The following RAD51B variants were observed in gnomAD, a reference collection of about 807,000 sequenced individuals.
The protein encoded by RAD51B is DNA repair protein RAD51 homolog 2.
Under a neutral mutation model 42.2 loss-of-function variants are expected in RAD51B, and 38 were observed. That is an observed-to-expected ratio of 0.90 (90% CI 0.70 to 1.18). RAD51B has a LOEUF of 1.18. Ranked by LOEUF, RAD51B falls within the 50% of genes most tolerant of loss-of-function variation. The probability of loss-of-function intolerance (pLI) is 0.00; values close to 1 mark genes in which losing one functional copy is unlikely to be tolerated. For missense variants in RAD51B, 373 were observed against 400.7 expected, an observed-to-expected ratio of 0.93 and a Z score of 0.59; for synonymous variants, 154 against 145.2, an observed-to-expected ratio of 1.06 and a Z score of -0.43.
At chr14:68,410,284 A>T (rs1247236165) in intron 8 of RAD51B, among the ~76,000 whole-genome samples, 4 of 151,980 alleles carry the variant, frequency 2.6e-5, no homozygotes, top group African/African-American at 9.7e-5. Context: ...TTAGTAGACC[A>T]CCCTGAAAGG....
intron 7 of RAD51B, among the ~76,000 whole-genome samples, chr14:68,218,454 G>C (rs550003314): frequency 6.6e-6 from 1 of 152,282 alleles, no homozygotes; most frequent in South Asian, 2.1e-4. Context: ...TAGTATTTTT[G>C]ATACTCTGAG....
chr14:68,476,667 A>G (rs1356308089), intron 10 of RAD51B, among the ~76,000 whole-genome samples: 2 of 151,884 alleles, frequency 1.3e-5, no homozygotes, highest in Non-Finnish European at 2.9e-5. Flanking sequence ...GCTCACACAG[A>G]GTCAGAACAC....
At chr14:68,614,646 G>A, downstream of RAD51B, among the ~76,000 whole-genome samples, 1 of 152,210 alleles carries the variant, frequency 6.6e-6, no homozygotes, top group East Asian at 1.9e-4. Flanking sequence ...CTTTCAGTGA[G>A]CATAGTGTTT....
chr14:68,333,129 T>C (rs1156430814), intron 8 of RAD51B, among the ~76,000 whole-genome samples: 1 of 152,162 alleles, frequency 6.6e-6, no homozygotes, highest in Non-Finnish European at 1.5e-5. Context: ...ACAGAGCCAC[T>C]CAGCAGAGTG....
At chr14:68,371,815 C>T (rs113324875) in intron 8 of RAD51B, among the ~76,000 whole-genome samples, 2 of 152,338 alleles carry the variant, frequency 1.3e-5, no homozygotes, top group African/African-American at 2.4e-5. Context: ...TGTGCCACTG[C>T]ACTCCAACCT....
At chr14:68,527,095 G>T (rs951723282) in intron 10 of RAD51B, among the ~76,000 whole-genome samples, 1 of 152,172 alleles carries the variant, frequency 6.6e-6, no homozygotes, top group Non-Finnish European at 1.5e-5. Flanking sequence ...TCCGCACAAA[G>T]TTTCAATTAT....
intron 5 of RAD51B, among the ~76,000 whole-genome samples, chr14:67,877,837 A>AG (rs2042776703): frequency 6.6e-6 from 1 of 152,046 alleles, no homozygotes; most frequent in Non-Finnish European, 1.5e-5. Context: ...TAATTAAAAA[A>AG]ATTTTTTTGT....
At chr14:68,669,352 T>C (rs542953879) in intron 11 of RAD51B, among the ~76,000 whole-genome samples, 1 of 152,328 alleles carries the variant, frequency 6.6e-6, no homozygotes, top group East Asian at 1.9e-4. Flanking sequence ...CTGCCTCCCC[T>C]GCTTCCCTCT....
chr14:67,897,335 C>T (rs1372962553), intron 7 of RAD51B, among the ~76,000 whole-genome samples: 1 of 151,914 alleles, frequency 6.6e-6, no homozygotes, highest in African/African-American at 2.4e-5. Context: ...TATTTGGAAA[C>T]CACAAATCTG....
chr14:68,388,052 C>A (rs1420218694), intron 8 of RAD51B, among the ~76,000 whole-genome samples: 2 of 127,194 alleles, frequency 1.6e-5, no homozygotes, highest in African/African-American at 3.0e-5. Flanking sequence ...ATGTGACTTG[C>A]ATTGTGTGTG....
chr14:68,599,373 C>T (rs566267351), downstream of RAD51B, among the ~76,000 whole-genome samples: 12 of 152,314 alleles, frequency 7.9e-5, no homozygotes, highest in South Asian at 2.5e-3. Context: ...AGGTGGAAAT[C>T]TGGCCCTGCC....
At chr14:68,474,908 G>A (rs72727482) in intron 10 of RAD51B, among the ~76,000 whole-genome samples, 79 of 152,268 alleles carry the variant, frequency 5.2e-4, no homozygotes, top group Non-Finnish European at 1.0e-3. Flanking sequence ...CTGTAGTGCC[G>A]AGGAGGAATG....
chr14:68,392,699 A>G (rs893849072), intron 8 of RAD51B, among the ~76,000 whole-genome samples: 2 of 151,926 alleles, frequency 1.3e-5, no homozygotes, highest in Admixed American at 1.3e-4. Flanking sequence ...AACCTGAAAG[A>G]TCCTATAATC....
chr14:68,194,618 A>G (rs1595535303), intron 7 of RAD51B, among the ~76,000 whole-genome samples: 1 of 152,194 alleles, frequency 6.6e-6, no homozygotes, highest in Admixed American at 6.5e-5. Context: ...AGAGAATTAT[A>G]TCTGCCCTCT....
At chr14:67,952,143 A>C (rs1424172885) in intron 7 of RAD51B, among the ~76,000 whole-genome samples, 3 of 152,104 alleles carry the variant, frequency 2.0e-5, no homozygotes, top group African/African-American at 7.2e-5. Flanking sequence ...CAAAAGATTC[A>C]ACAGTCATCT....
chr14:68,470,604 G>A (rs1347571720), intron 10 of RAD51B: 11 of 508,102 alleles, frequency 2.2e-5, no homozygotes, highest in African/African-American at 1.1e-4. Flanking sequence ...TGAAATTGAT[G>A]AATCACAACC....
intron 7 of RAD51B, among the ~76,000 whole-genome samples, chr14:68,047,494 C>T (rs2076321575): frequency 1.3e-5 from 2 of 152,132 alleles, no homozygotes; most frequent in South Asian, 4.2e-4. Context: ...CCTCTAACAC[C>T]ACCACCCAGA....
At chr14:68,395,602 A>ATGT (rs1459863126) in intron 8 of RAD51B, among the ~76,000 whole-genome samples, 1 of 152,014 alleles carries the variant, frequency 6.6e-6, no homozygotes, top group African/African-American at 2.4e-5. Context: ...TGTTGCTGCA[A>ATGT]TGTTGTTGTT....
intron 7 of RAD51B, among the ~76,000 whole-genome samples, chr14:68,211,006 T>A (rs1324933188): frequency 6.6e-6 from 1 of 152,206 alleles, no homozygotes; most frequent in Non-Finnish European, 1.5e-5. Flanking sequence ...TCCAGTCACT[T>A]TCATTTTCAG....
Sources: allele counts gnomAD v4.1 joint callset (sites outside exome capture counted in the v4.1 genomes callset), GRCh38; gene constraint gnomAD v4.1.1; transcripts MANE v1.5; gene names NCBI Gene and HGNC (gene_info 2026-07-23, HGNC 2026-07-21).